ZFYVE1: variants seen among roughly 807,000 people sequenced by gnomAD.
ZFYVE1 encodes zinc finger FYVE domain-containing protein 1.
A neutral mutation model predicts 74.4 loss-of-function variants in ZFYVE1; 30 were observed. The ratio of observed to expected loss-of-function variants is 0.40; its 90% CI spans 0.30 to 0.55. The LOEUF (loss-of-function observed/expected upper bound fraction) is 0.55, where lower values mean the gene tolerates loss of function less well. ZFYVE1 is among the 20% of genes least tolerant of loss of function. ZFYVE1 has a pLI of 0.42. For synonymous variants in ZFYVE1, 335 were observed against 385.1 expected (o/e 0.87, Z 1.52); for missense variants, 703 against 1,011.6 (o/e 0.69, Z 4.14).
intron 2 of ZFYVE1, among the ~76,000 whole-genome samples, chr14:73,021,384 A>G (rs1756488997): frequency 6.6e-6 from 1 of 151,840 alleles, no homozygotes; most frequent in South Asian, 2.1e-4. Flanking sequence ...TAAATAAATA[A>G]ATAAATAACT....
chr14:72,992,787 G>A (rs1008201251), intron 4 of ZFYVE1, among the ~76,000 whole-genome samples: 3 of 151,848 alleles, frequency 2.0e-5, no homozygotes, highest in Admixed American at 2.0e-4. Context: ...ATTTAAATAA[G>A]AAAAAAACAG....
intron 2 of ZFYVE1, among the ~76,000 whole-genome samples, chr14:73,011,256 G>A (rs924032035): frequency 3.3e-5 from 5 of 151,658 alleles, no homozygotes; most frequent in African/African-American, 9.7e-5. Flanking sequence ...AGGCCTAGGC[G>A]AGTAGATCAC....
chr14:72,994,012 TC>T (rs1893685454), intron 3 of ZFYVE1, among the ~76,000 whole-genome samples: 1 of 80,474 alleles, frequency 1.2e-5, no homozygotes, highest in Admixed American at 1.5e-4. Flanking sequence ...AGATTCCGTC[TC>T]AAAAAAAAAA....
intron 2 of ZFYVE1, among the ~76,000 whole-genome samples, chr14:73,010,226 A>C (rs1310412788): frequency 6.6e-6 from 1 of 152,198 alleles, no homozygotes; most frequent in East Asian, 1.9e-4. Context: ...GAACTTTTGG[A>C]GGCCAGAGGT....
intron 3 of ZFYVE1, among the ~76,000 whole-genome samples, chr14:72,994,844 T>A (rs1394090941): frequency 6.6e-6 from 1 of 152,200 alleles, no homozygotes; most frequent in Non-Finnish European, 1.5e-5. Context: ...CCTGTGGATA[T>A]ACTTAACTAA....
intron 2 of ZFYVE1, among the ~76,000 whole-genome samples, chr14:73,018,813 G>A (rs550392364): frequency 9.2e-5 from 14 of 152,016 alleles, no homozygotes; most frequent in East Asian, 7.8e-4. Flanking sequence ...GCGTGGTGGC[G>A]CGCACCTGTA....
At chr14:73,022,618 C>A (rs1894339912) in intron 2 of ZFYVE1, among the ~76,000 whole-genome samples, 1 of 152,166 alleles carries the variant, frequency 6.6e-6, no homozygotes, top group Non-Finnish European at 1.5e-5. Flanking sequence ...TTATCACTTA[C>A]CCTTGGCTAT....
chr14:73,021,590 G>C (rs1360103494), intron 2 of ZFYVE1, among the ~76,000 whole-genome samples: 1 of 152,100 alleles, frequency 6.6e-6, no homozygotes, highest in East Asian at 1.9e-4. Flanking sequence ...GATATTTTAA[G>C]TATTTCTCCA....
chr14:72,974,201 C>A lies in ZFYVE1; in HGVS notation c.1988-8G>T. Reference sequence around the variant, plus strand: ...CTTGTGCCTCGGTAACAGCTGTAGACAGTAATAAAGGAAATGCTGTCACCT... The same window carrying A: ...CTTGTGCCTCGGTAACAGCTGTAGAAAGTAATAAAGGAAATGCTGTCACCT... On this transcript the variant is annotated splice_region_variant and splice_polypyrimidine_tract_variant and intron_variant, in intron 10 of 11. Coordinates refer to ENST00000556143, the MANE Select transcript of ZFYVE1 (RefSeq NM_021260.4). The A allele has an allele frequency of 6.2e-7, 1 of 1,613,374 alleles. No individual in the cohort carries two copies. Among genetic ancestry groups the A allele is most frequent in the Non-Finnish European group, 8.5e-7 (1 of 1,179,378 alleles).
rs536982307 is a variant in ZFYVE1 at position 73,012,920 on chromosome 14, G to A, written c.483+11106C>T. On this transcript the variant is annotated intron_variant, in intron 2 of 11. Coordinates refer to ENST00000556143, the MANE Select transcript of ZFYVE1 (RefSeq NM_021260.4). ...TAGATAACATATTCATGAGACAGAA[G>A]GGATTGAGCTAGAAAGTAGAGGAAT... 7.5e-4 allele frequency among the ~76,000 whole-genome samples: 114 copies of A among 152,056 alleles called. 2 individuals are homozygous for A. Among genetic ancestry groups the A allele is most frequent in the African/African-American group, 2.5e-3 (104 of 41,436 alleles).
intron 8 of ZFYVE1, 122 bp downstream of exon 8, chr14:72,977,805 A>G (rs1166457670): frequency 1.9e-5 from 21 of 1,092,010 alleles, no homozygotes; most frequent in Non-Finnish European, 2.8e-5. Flanking sequence ...ATGCCTTTCT[A>G]AACCGCCAAC....
At chr14:73,008,462 A>G (rs1894025071) in intron 2 of ZFYVE1, among the ~76,000 whole-genome samples, 1 of 151,954 alleles carries the variant, frequency 6.6e-6, no homozygotes, top group Non-Finnish European at 1.5e-5. Context: ...CTGGCCTAAT[A>G]AAAGTGTTTC....
intron 11 of ZFYVE1, among the ~76,000 whole-genome samples, chr14:72,971,954 G>A (rs912388056): frequency 4.6e-5 from 7 of 152,170 alleles, no homozygotes; most frequent in African/African-American, 1.7e-4. Flanking sequence ...GGGCATGGTG[G>A]CTCACACCTA....
At chr14:72,986,570 T>C (rs939896239) in intron 4 of ZFYVE1, among the ~76,000 whole-genome samples, 1 of 151,506 alleles carries the variant, frequency 6.6e-6, no homozygotes, top group Non-Finnish European at 1.5e-5. Flanking sequence ...TTCCTTTTTT[T>C]TTTTTTTTTG....
Position 72,983,083 on chromosome 14 carries a change from G to A in ZFYVE1, c.1204-1188C>T, listed in dbSNP as rs896722183. ...TGGTCTTGAACTCCAGGCCTCAGGT[G>A]ATCCACCCGCCTCGGCCTCACAAAG... On this transcript the variant is annotated intron_variant, in intron 4 of 11. Transcript: ENST00000556143. 2.6e-5 allele frequency among the ~76,000 whole-genome samples: 4 copies of A among 152,056 alleles called. No individual in the cohort carries two copies. In the East Asian group the frequency reaches 5.8e-4, roughly 22 times the overall value.
chr14:73,017,267 C>T (rs1462893605), intron 2 of ZFYVE1, among the ~76,000 whole-genome samples: 1 of 152,252 alleles, frequency 6.6e-6, no homozygotes, highest in Non-Finnish European at 1.5e-5. Flanking sequence ...GTCAGCACTA[C>T]TGACCTTTTA....
In ZFYVE1 at chr14:72,975,418, G is replaced by A; in HGVS notation, c.1806+133C>T. The stretch of plus-strand genomic sequence containing the variant: ...TGCCTCAACGACTCCTCCCCTTGCC[G>A]GTACTCACAGAGCTCACTGCACTGG... On this transcript the variant is annotated intron_variant, in intron 9 of 11. Transcript: ENST00000556143. This position sits in a 1 kb window ranked among gnomAD's most constrained non-coding sequence, Gnocchi z 4.1. 5.2e-6 allele frequency: 6 copies of A among 1,159,304 alleles called. No individual in the cohort carries two copies. The South Asian group carries it at 8.1e-5, about 16-fold the overall frequency. 71.8% of individuals were successfully genotyped at this position (1,159,304 alleles called of 1,614,324 possible). A position where few individuals can be genotyped will look rare whatever the true frequency, so the allele number is the denominator to read the frequency against.
At chr14:73,001,272 C>CCAA (rs1893867833) in intron 2 of ZFYVE1, among the ~76,000 whole-genome samples, 1 of 152,106 alleles carries the variant, frequency 6.6e-6, no homozygotes, top group Non-Finnish European at 1.5e-5. Context: ...AATCATACAT[C>CCAA]TGAAAGATTC....
intron 5 of ZFYVE1, among the ~76,000 whole-genome samples, chr14:72,979,960 G>A (rs190876581): frequency 6.6e-6 from 1 of 152,286 alleles, no homozygotes; most frequent in East Asian, 1.9e-4. Context: ...CAGGACTTTA[G>A]AATTTCACTA....
Sources: allele counts gnomAD v4.1 joint callset (sites outside exome capture counted in the v4.1 genomes callset), GRCh38; gene constraint gnomAD v4.1.1; non-coding constraint Gnocchi (gnomAD v3.1); transcripts MANE v1.5; gene names NCBI Gene and HGNC (gene_info 2026-07-23, HGNC 2026-07-21).